SHANK2: variants seen among roughly 807,000 people sequenced by gnomAD.
SHANK2 encodes SH3 and multiple ankyrin repeat domains 2.
A neutral mutation model predicts 133.7 loss-of-function variants in SHANK2; 43 were observed. That is an observed-to-expected ratio of 0.32 (90% CI 0.25 to 0.41). The LOEUF (loss-of-function observed/expected upper bound fraction) is 0.41. SHANK2 is among the 10% of genes least tolerant of loss of function. SHANK2 has a pLI of 1.00. For synonymous variants in SHANK2, 1,017 were observed against 952.8 expected (o/e 1.07, Z -1.24); for missense variants, 1,994 against 2,235.8 (o/e 0.89, Z 2.18).
At chr11:71,099,108 A>T (rs991483002) in intron 6 of SHANK2, among the ~76,000 whole-genome samples, 7 of 152,082 alleles carry the variant, frequency 4.6e-5, no homozygotes, top group Admixed American at 2.6e-4. Flanking sequence ...GGCACCCTAC[A>T]AGCACCTGAC....
At chr11:71,224,042 T>C (rs1433858749) in intron 2 of SHANK2, among the ~76,000 whole-genome samples, 1 of 152,248 alleles carries the variant, frequency 6.6e-6, no homozygotes, top group Non-Finnish European at 1.5e-5. Flanking sequence ...CCAAGCTGGA[T>C]TCAGCCACTC....
intron 20 of SHANK2, 139 bp downstream of exon 20, chr11:70,501,784 C>G: frequency 1.2e-6 from 1 of 846,118 alleles, no homozygotes; most frequent in Admixed American, 2.3e-5. Flanking sequence ...CACAGATCCC[C>G]GGAGGATGGA....
chr11:70,912,112 A>G lies in SHANK2; in HGVS notation c.1108-15545T>C, dbSNP rs7942505. On this transcript the variant is annotated intron_variant, in intron 10 of 25. Coordinates refer to ENST00000601538, the MANE Select transcript of SHANK2 (RefSeq NM_012309.5). ...AAAAAAAAAAAAAAAAAAAAAAAAA[A>G]AAAGAAAGAAAGAAAGAAAGAAAAG... 2.6e-3 allele frequency among the ~76,000 whole-genome samples: 296 copies of G among 115,052 alleles called. 1 individual carries two copies. Among genetic ancestry groups the G allele is most frequent in the African/African-American group, 7.4e-3 (209 of 28,394 alleles). The allele number at this position is 115,052 out of a possible 152,430, so 75.5% of individuals were successfully genotyped here. A position where few individuals can be genotyped will look rare whatever the true frequency, so the allele number is the denominator to read the frequency against.
intron 2 of SHANK2, among the ~76,000 whole-genome samples, chr11:71,215,414 T>C (rs1475294187): frequency 6.6e-6 from 1 of 152,158 alleles, no homozygotes; most frequent in Non-Finnish European, 1.5e-5. Context: ...GGTTCTGCCC[T>C]GGTCACCCCT....
At chr11:71,060,845 G>A (rs1212692732) in intron 9 of SHANK2, among the ~76,000 whole-genome samples, 2 of 152,240 alleles carry the variant, frequency 1.3e-5, no homozygotes, top group African/African-American at 4.8e-5. Flanking sequence ...ATAGGGTGAC[G>A]CTCCGCACAG....
chr11:70,941,091 C>A (rs1555084337), intron 10 of SHANK2, among the ~76,000 whole-genome samples: 1 of 152,200 alleles, frequency 6.6e-6, no homozygotes, highest in Non-Finnish European at 1.5e-5. Flanking sequence ...AATTTCAATT[C>A]TTCCTCATAA....
rs1947968099 is a variant in SHANK2 at position 70,798,471 on chromosome 11, G to T, written c.1749C>A (p.Val583=). 1 of 718,488 alleles carries T rather than the reference G, an allele frequency of 1.4e-6. No individual in the cohort carries two copies. Among genetic ancestry groups the T allele is most frequent in the Non-Finnish European group, 2.6e-6 (1 of 385,100 alleles). The allele number at this position is 718,488 out of a possible 1,614,324, so 44.5% of individuals were successfully genotyped here. Residue 583 remains valine (V), a synonymous_variant, in exon 14 of 26, where the codon GTC becomes GTA. Transcript: ENST00000601538. ...GWFPAECVEE[V]QCKPRDSQAE... ...CCTGGCTGTCCCTGGGCTTACACTG[G>T]ACCTCCTCCACGCACTCCGCCGGAA...
chr11:70,597,158 C>T (rs1201152563), intron 17 of SHANK2, among the ~76,000 whole-genome samples: 1 of 152,082 alleles, frequency 6.6e-6, no homozygotes, highest in African/African-American at 2.4e-5. Context: ...ACAAAATGGG[C>T]ACAAGGTCAC....
At position 71,195,252 on chromosome 11, in the gene SHANK2, C is replaced by T. The variant is rs542413511; in HGVS notation, c.-13+29445G>A. Among the ~76,000 whole-genome samples, 759 of 152,098 alleles carry T rather than the reference C, an allele frequency of 5.0e-3. 3 individuals are homozygous for T. The highest frequency in any genetic ancestry group is 0.018 in the African/African-American group (730 of 41,500). On this transcript the variant is annotated intron_variant, in intron 2 of 25. Transcript: ENST00000601538. The stretch of plus-strand genomic sequence containing the variant: ...CTAAAAATACAAAAAATTAGCCAGG[C>T]GTGGTGGCGGGCGCCTGTAGTCCCA...
At chr11:70,695,753 A>AAT (rs1323423813) in intron 15 of SHANK2, among the ~76,000 whole-genome samples, 3 of 152,212 alleles carry the variant, frequency 2.0e-5, no homozygotes, top group Non-Finnish European at 4.4e-5. Context: ...CTCAGCTATG[A>AAT]ACAGGGCTGT....
chr11:70,648,008 T>TTCA (rs1456578954), intron 17 of SHANK2, among the ~76,000 whole-genome samples: 50 of 152,358 alleles, frequency 3.3e-4, no homozygotes, highest in Admixed American at 6.5e-4. Flanking sequence ...ACAGCCCAAG[T>TTCA]GTCCCTGAAC....
At chr11:71,089,238 G>A (rs966979601) in intron 8 of SHANK2, among the ~76,000 whole-genome samples, 16 of 152,106 alleles carry the variant, frequency 1.1e-4, no homozygotes, top group East Asian at 3.9e-4. Context: ...CCATGCAGAC[G>A]GGCTTGGCCT....
rs965933792 is a variant in SHANK2 at position 70,949,057 on chromosome 11, T to C, written c.1108-52490A>G. On this transcript the variant is annotated intron_variant, in intron 10 of 25. Coordinates refer to ENST00000601538, the MANE Select transcript of SHANK2 (RefSeq NM_012309.5). ...TGCAGGAGGTTGACTGATCACAAGA[T>C]GAATGGCAGGTACCAGCCAGTGCCC... Among the ~76,000 whole-genome samples the C allele has an allele frequency of 3.3e-5, 5 of 152,134 alleles. No homozygotes were observed. The South Asian group carries it at 1.0e-3, about 32-fold the overall frequency.
At chr11:71,196,492 G>A (rs1197002389) in intron 2 of SHANK2, among the ~76,000 whole-genome samples, 1 of 151,922 alleles carries the variant, frequency 6.6e-6, no homozygotes, top group African/African-American at 2.4e-5. Flanking sequence ...CATCAGGTTG[G>A]CCAGTCTGGT....
At chr11:70,501,881 C>T (rs1555158583) in intron 20 of SHANK2, 42 bp downstream of exon 20, 1 of 1,554,596 alleles carries the variant, frequency 6.4e-7, no homozygotes, top group Non-Finnish European at 8.7e-7. Flanking sequence ...GTGCCCTAGA[C>T]AGCAGGGGGA....
chr11:71,083,791 T>G (rs1258590090), intron 8 of SHANK2, among the ~76,000 whole-genome samples: 4 of 152,192 alleles, frequency 2.6e-5, no homozygotes, highest in Admixed American at 1.3e-4. Flanking sequence ...CTTTAGCAAT[T>G]AAAAATACAG....
At chr11:70,539,031 G>A (rs965691918) in intron 17 of SHANK2, among the ~76,000 whole-genome samples, 1 of 152,252 alleles carries the variant, frequency 6.6e-6, no homozygotes, top group Admixed American at 6.5e-5. Flanking sequence ...CCTCTCGCTC[G>A]GGGCCGATGT....
At chr11:70,733,217 G>T (rs1360891125) in intron 14 of SHANK2, among the ~76,000 whole-genome samples, 1 of 152,154 alleles carries the variant, frequency 6.6e-6, no homozygotes, top group Non-Finnish European at 1.5e-5. Context: ...ATGAGTAGGA[G>T]TTGGGTAGAT....
chr11:71,083,810 C>T (rs1024774235), intron 8 of SHANK2, among the ~76,000 whole-genome samples: 4,563 of 152,226 alleles, frequency 0.03, 237 homozygotes, highest in African/African-American at 0.1. Flanking sequence ...AGAATGAATA[C>T]CCCCAAATCT....
Sources: gnomAD v4.1 joint callset for allele counts (sites outside exome capture counted in the v4.1 genomes callset) on GRCh38, gnomAD v4.1.1 for gene constraint, MANE v1.5 for transcripts, NCBI Gene and HGNC (gene_info 2026-07-23, HGNC 2026-07-21) for gene names.